Variants in MAP4K5 observed in about 807,000 individuals in gnomAD.
MAP4K5 encodes the protein MAPK/ERK kinase kinase kinase 5.
In MAP4K5, 82 loss-of-function variants were observed where a neutral mutation model predicts 135.6. That is an observed-to-expected ratio of 0.60 (90% CI 0.51 to 0.73). The LOEUF (loss-of-function observed/expected upper bound fraction) is 0.73. MAP4K5 is among the 30% of genes least tolerant of loss of function. The pLI is 0.00. For synonymous variants in MAP4K5, 347 were observed against 335.0 expected (o/e 1.04, Z -0.39); for missense variants, 907 against 1,010.9 (o/e 0.90, Z 1.39).
intron 2 of MAP4K5, among the ~76,000 whole-genome samples, chr14:50,539,218 A>G (rs1406985096): frequency 6.6e-6 from 1 of 152,246 alleles, no homozygotes; most frequent in Non-Finnish European, 1.5e-5. Flanking sequence ...TACTCAAACT[A>G]TCAGCAGTGA....
chr14:50,521,271 T>C (rs114013741), intron 2 of MAP4K5, among the ~76,000 whole-genome samples: 140 of 152,294 alleles, frequency 9.2e-4, no homozygotes, highest in African/African-American at 3.2e-3. Flanking sequence ...AGTCCATAAA[T>C]CCCTCATTTC....
chr14:50,504,764 A>C, intron 3 of MAP4K5, 36 bp downstream of exon 3: 10 of 1,429,294 alleles, frequency 7.0e-6, no homozygotes, highest in Non-Finnish European at 9.5e-6. Context: ...AATATGGAAA[A>C]CCCTCAAAAA....
At chr14:50,544,515 C>T (rs1214512908) in intron 1 of MAP4K5, among the ~76,000 whole-genome samples, 1 of 152,192 alleles carries the variant, frequency 6.6e-6, no homozygotes. Flanking sequence ...GGAAGGTTTT[C>T]CTTGCTATTA....
intron 14 of MAP4K5, chr14:50,449,154 T>C (rs2036427210): frequency 4.5e-6 from 1 of 223,022 alleles, no homozygotes; most frequent in African/African-American, 2.3e-5. Flanking sequence ...TTCTCTATGC[T>C]GTAGACTCTG....
intron 2 of MAP4K5, among the ~76,000 whole-genome samples, chr14:50,540,294 C>T (rs541981331): frequency 3.9e-5 from 6 of 152,266 alleles, no homozygotes; most frequent in African/African-American, 1.4e-4. Flanking sequence ...TACTTAAGTG[C>T]CATTTGACAT....
chr14:50,496,496 T>C (rs890703463), intron 3 of MAP4K5, among the ~76,000 whole-genome samples: 1 of 152,054 alleles, frequency 6.6e-6, no homozygotes, highest in Non-Finnish European at 1.5e-5. Flanking sequence ...ACACATATAT[T>C]ATTATATATA....
At chr14:50,424,370 C>A (rs2035798565) in intron 31 of MAP4K5, among the ~76,000 whole-genome samples, 1 of 151,652 alleles carries the variant, frequency 6.6e-6, no homozygotes. Context: ...TTAGCTAGGC[C>A]CAAGTTGAAG....
intron 1 of MAP4K5, among the ~76,000 whole-genome samples, chr14:50,553,225 C>A (rs866002564): frequency 6.7e-6 from 1 of 149,494 alleles, no homozygotes; most frequent in East Asian, 2.0e-4. Flanking sequence ...GAGCCGAGAT[C>A]GTGCCACTGC....
chr14:50,423,313 A>G, intron 31 of MAP4K5, 137 bp from the exon 32 acceptor site: 1 of 522,314 alleles, frequency 1.9e-6, no homozygotes, highest in East Asian at 2.9e-5. Flanking sequence ...AAGAAATTTT[A>G]GTAAGTTTTT....
intron 1 of MAP4K5, among the ~76,000 whole-genome samples, chr14:50,552,270 A>C (rs1394809197): frequency 1.3e-5 from 2 of 152,048 alleles, no homozygotes; most frequent in Non-Finnish European, 2.9e-5. Flanking sequence ...CAGCTGCAAA[A>C]AAAAATTAAT....
chr14:50,499,888 C>T (rs2037671691), intron 3 of MAP4K5, among the ~76,000 whole-genome samples: 1 of 152,110 alleles, frequency 6.6e-6, no homozygotes, highest in African/African-American at 2.4e-5. Flanking sequence ...GAAAGAAATG[C>T]CAGCTTTTGC....
intron 2 of MAP4K5, chr14:50,505,063 A>T (rs2037781136): frequency 2.4e-6 from 1 of 420,904 alleles, no homozygotes; most frequent in African/African-American, 2.1e-5. Context: ...AATTACCAAT[A>T]GTCCCACCAC....
At chr14:50,525,464 T>C (rs994928358) in intron 2 of MAP4K5, among the ~76,000 whole-genome samples, 79 of 152,282 alleles carry the variant, frequency 5.2e-4, no homozygotes, top group African/African-American at 1.9e-3. Flanking sequence ...ATCCGGATTA[T>C]TCGGGAACTG....
intron 1 of MAP4K5, among the ~76,000 whole-genome samples, chr14:50,544,846 AG>A (rs1403250673): frequency 6.9e-6 from 1 of 144,870 alleles, no homozygotes; most frequent in East Asian, 2.2e-4. Flanking sequence ...CTGAAGCAGG[AG>A]GATTGCATGA....
chr14:50,437,936 G>T lies in MAP4K5; in HGVS notation c.1781C>A (p.Ala594Asp), dbSNP rs1225340261. ...FEHAKKPGLA[A>D]HIQTHRFPDR... Reference sequence around the variant, plus strand: ...TGGAAACCTGTGAGTTTGAATATGGGCAGCTAATCCTGGTTTTTTGGCATG... The same window carrying T: ...TGGAAACCTGTGAGTTTGAATATGGTCAGCTAATCCTGGTTTTTTGGCATG... The change falls in exon 25 of 33, where the codon GCC becomes GAC. Residue 594 changes from alanine (A) to aspartate (D), a missense_variant. Ala to Asp is a moderately radical substitution (Grantham distance 126, BLOSUM62 -2). Coordinates refer to ENST00000682126, the MANE Select transcript of MAP4K5 (RefSeq NM_006575.6). 6.2e-7 allele frequency: 1 copy of T among 1,612,346 alleles called. No individual in the cohort carries two copies. Among genetic ancestry groups the T allele is most frequent in the Non-Finnish European group, 8.5e-7 (1 of 1,178,754 alleles).
chr14:50,537,752 TG>T (rs2038513054), intron 2 of MAP4K5, among the ~76,000 whole-genome samples: 1 of 152,258 alleles, frequency 6.6e-6, no homozygotes, highest in African/African-American at 2.4e-5. Flanking sequence ...ATTTCAGACT[TG>T]CAGGGGGCCT....
intron 6 of MAP4K5, among the ~76,000 whole-genome samples, chr14:50,476,607 T>C (rs568288218): frequency 2.0e-5 from 3 of 152,144 alleles, no homozygotes; most frequent in Non-Finnish European, 4.4e-5. Flanking sequence ...ATTACAGGCA[T>C]GCGCCACTAT....
At chr14:50,441,755 C>T (rs1247819795) in intron 21 of MAP4K5, among the ~76,000 whole-genome samples, 2 of 12,428 alleles carry the variant, frequency 1.6e-4, no homozygotes, top group African/African-American at 4.2e-4. Flanking sequence ...CACACACACA[C>T]ACACACACAC....
chr14:50,521,229 TG>T (rs1416232939), intron 2 of MAP4K5, among the ~76,000 whole-genome samples: 1 of 152,202 alleles, frequency 6.6e-6, no homozygotes, highest in African/African-American at 2.4e-5. Flanking sequence ...TGAAAACTGG[TG>T]CTGAGACCTA....
Sources: allele counts gnomAD v4.1 joint callset (sites outside exome capture counted in the v4.1 genomes callset), GRCh38; gene constraint gnomAD v4.1.1; transcripts MANE v1.5; gene names NCBI Gene and HGNC (gene_info 2026-07-23, HGNC 2026-07-21).